CSMD1: variants seen among roughly 807,000 people sequenced by gnomAD.
The protein encoded by CSMD1 is CUB and sushi domain-containing protein 1.
In CSMD1, 213 loss-of-function variants were observed where a neutral mutation model predicts 417.5. That is an observed-to-expected ratio of 0.51 (90% CI 0.46 to 0.57). The LOEUF (loss-of-function observed/expected upper bound fraction) is 0.57, where lower values mean the gene tolerates loss of function less well. Among genes scored for constraint, CSMD1 ranks in the 20% least tolerant of loss-of-function variants. The pLI is 0.00. For missense variants in CSMD1, 6,923 were observed against 4,529.7 expected, an observed-to-expected ratio of 1.53 and a Z score of -15.17; for synonymous variants, 2,862 against 1,736.8, an observed-to-expected ratio of 1.65 and a Z score of -16.11.
At chr8:4,251,109 G>T (rs570575724) in intron 3 of CSMD1, among the ~76,000 whole-genome samples, 3 of 152,204 alleles carry the variant, frequency 2.0e-5, no homozygotes, top group East Asian at 1.9e-4. Context: ...AATTTCTGAA[G>T]GCTACCTATA....
At chr8:3,352,877 A>C (rs1041852373) in intron 21 of CSMD1, among the ~76,000 whole-genome samples, 1 of 152,102 alleles carries the variant, frequency 6.6e-6, no homozygotes, top group Non-Finnish European at 1.5e-5. Context: ...CAAACAAAAA[A>C]CACGAAAACA....
intron 12 of CSMD1, among the ~76,000 whole-genome samples, chr8:3,444,774 T>A (rs1482218670): frequency 1.3e-5 from 2 of 152,226 alleles, no homozygotes; most frequent in Non-Finnish European, 2.9e-5. Flanking sequence ...CTGTCTTGCC[T>A]ATCAACTTTG....
At chr8:4,451,707 A>G (rs191557730) in intron 2 of CSMD1, among the ~76,000 whole-genome samples, 22 of 152,250 alleles carry the variant, frequency 1.4e-4, no homozygotes, top group African/African-American at 5.3e-4. Context: ...TTCCAGGCAA[A>G]GCTTTTTAAA....
intron 46 of CSMD1, among the ~76,000 whole-genome samples, chr8:3,102,019 G>A (rs1815792604): frequency 1.3e-5 from 2 of 151,902 alleles, no homozygotes; most frequent in South Asian, 2.1e-4. Flanking sequence ...CCAGGCTGGT[G>A]TCGAACTCCT....
intron 3 of CSMD1, among the ~76,000 whole-genome samples, chr8:4,159,241 G>A (rs913902773): frequency 1.3e-5 from 2 of 152,134 alleles, no homozygotes; most frequent in Non-Finnish European, 1.5e-5. Flanking sequence ...ATAGATAACC[G>A]TGAAATGTTT....
intron 12 of CSMD1, among the ~76,000 whole-genome samples, chr8:3,420,878 C>T (rs1563371437): frequency 6.6e-6 from 1 of 152,020 alleles, no homozygotes; most frequent in Non-Finnish European, 1.5e-5. Flanking sequence ...TAAAATGCTT[C>T]CCATGATTGA....
At chr8:3,513,372 G>A (rs886793510) in intron 10 of CSMD1, among the ~76,000 whole-genome samples, 7 of 143,794 alleles carry the variant, frequency 4.9e-5, no homozygotes, top group Non-Finnish European at 7.5e-5. Context: ...GTCTTACTTT[G>A]TTACCCAGGC....
chr8:3,142,605 G>A lies in CSMD1; in HGVS notation c.6101C>T (p.Pro2034Leu). 6.2e-7 allele frequency: 1 copy of A among 1,613,910 alleles called. No homozygotes were observed. The highest frequency in any genetic ancestry group is 8.5e-7 in the Non-Finnish European group (1 of 1,179,838). Reference sequence around the variant, plus strand: ...TCCAATCATGGGGCTGGTGTGGTAAGGTCCATTTTGAATTTCAAGGAAGTC... The same window carrying A: ...TCCAATCATGGGGCTGGTGTGGTAAAGTCCATTTTGAATTTCAAGGAAGTC... Reference protein sequence around the residue: ...NHDFLEIQNGPYHTSPMIGQF... With the variant: ...NHDFLEIQNGLYHTSPMIGQF... The change falls in exon 41 of 70, where the codon CCT becomes CTT. Residue 2034 changes from proline (P) to leucine (L), a missense_variant. Pro to Leu is a moderately conservative substitution (Grantham distance 98, BLOSUM62 -3). Coordinates refer to ENST00000635120, the MANE Select transcript of CSMD1 (RefSeq NM_033225.6).
At chr8:4,642,854 T>C (rs373200376) in intron 1 of CSMD1, among the ~76,000 whole-genome samples, 58 of 152,312 alleles carry the variant, frequency 3.8e-4, no homozygotes, top group African/African-American at 1.3e-3. Context: ...GACATGTAAT[T>C]GGGTTTAGGG....
intron 2 of CSMD1, among the ~76,000 whole-genome samples, chr8:4,570,574 G>C (rs1212357390): frequency 6.6e-6 from 1 of 151,920 alleles, no homozygotes; most frequent in African/African-American, 2.4e-5. Flanking sequence ...ATGTTCATCG[G>C]GCATATTAGG....
chr8:4,639,424 C>A (rs948565094), intron 1 of CSMD1, among the ~76,000 whole-genome samples: 1 of 152,138 alleles, frequency 6.6e-6, no homozygotes, highest in Admixed American at 6.6e-5. Context: ...GTAAATATTA[C>A]TATCCTGTAA....
At chr8:4,393,986 C>T (rs1423663328) in intron 3 of CSMD1, among the ~76,000 whole-genome samples, 3 of 152,266 alleles carry the variant, frequency 2.0e-5, no homozygotes, top group East Asian at 1.9e-4. Flanking sequence ...CAATTTGCTA[C>T]GTAATAGAGC....
chr8:3,361,919 C>T (rs1809212024), intron 20 of CSMD1, among the ~76,000 whole-genome samples: 1 of 152,070 alleles, frequency 6.6e-6, no homozygotes, highest in African/African-American at 2.4e-5. Flanking sequence ...TAAGGATTCT[C>T]TTATATTAAT....
intron 3 of CSMD1, among the ~76,000 whole-genome samples, chr8:4,225,708 T>C (rs1272350285): frequency 6.6e-6 from 1 of 152,172 alleles, no homozygotes; most frequent in East Asian, 1.9e-4. Context: ...AAGGATGTTA[T>C]CCTGACAAAT....
At chr8:4,782,979 G>C (rs1459400376) in intron 1 of CSMD1, among the ~76,000 whole-genome samples, 2 of 149,558 alleles carry the variant, frequency 1.3e-5, no homozygotes, top group Non-Finnish European at 3.0e-5. Flanking sequence ...CTTCAGATTA[G>C]AAAGAATTGG....
At chr8:4,696,561 A>G (rs1384102322) in intron 1 of CSMD1, among the ~76,000 whole-genome samples, 1 of 152,244 alleles carries the variant, frequency 6.6e-6, no homozygotes, top group African/African-American at 2.4e-5. Context: ...GGGAGGCTAC[A>G]GAATGATATA....
intron 3 of CSMD1, among the ~76,000 whole-genome samples, chr8:4,094,076 A>G (rs1800869784): frequency 6.6e-6 from 1 of 152,138 alleles, no homozygotes; most frequent in Admixed American, 6.6e-5. Flanking sequence ...ACAGTGTGGA[A>G]GTGACGCTGT....
chr8:4,366,593 GT>G (rs549839670), intron 3 of CSMD1, among the ~76,000 whole-genome samples: 2 of 151,486 alleles, frequency 1.3e-5, no homozygotes, highest in Non-Finnish European at 2.9e-5. Context: ...AGCATCTGTT[GT>G]TTTTTTTGCT....
At chr8:3,240,842 C>G (rs1343890750) in intron 26 of CSMD1, among the ~76,000 whole-genome samples, 1 of 152,042 alleles carries the variant, frequency 6.6e-6, no homozygotes, top group African/African-American at 2.4e-5. Flanking sequence ...TTGTCTGGTT[C>G]TAGAACAGGT....
Sources: allele counts gnomAD v4.1 joint callset (sites outside exome capture counted in the v4.1 genomes callset), GRCh38; gene constraint gnomAD v4.1.1; transcripts MANE v1.5; gene names NCBI Gene and HGNC (gene_info 2026-07-23, HGNC 2026-07-21).